Variants in TRAF7 observed in about 807,000 individuals in gnomAD.
TRAF7 encodes the protein E3 ubiquitin-protein ligase TRAF7.
A neutral mutation model predicts 89.3 loss-of-function variants in TRAF7; 45 were observed. The observed-to-expected ratio is 0.50, with a 90% CI of 0.40 to 0.65. The LOEUF (loss-of-function observed/expected upper bound fraction) is 0.65, where lower values mean the gene tolerates loss of function less well. Ranked by LOEUF, TRAF7 falls within the 30% of genes least tolerant of loss-of-function variation. The pLI is 0.00. For missense variants in TRAF7, 677 were observed against 918.1 expected (o/e 0.74, Z 3.39); for synonymous variants, 406 against 369.2 (o/e 1.10, Z -1.14).
rs2093059777 is a variant in TRAF7, at chr16:2,161,934, G to T, written c.-38-1949G>T. On this transcript the variant is annotated intron_variant, in intron 1 of 20. Coordinates refer to ENST00000326181, the MANE Select transcript of TRAF7 (RefSeq NM_032271.3). The surrounding 1 kb of genome is among the most constrained non-coding windows in gnomAD (Gnocchi z 5.2). ...CTCTGAGCCTGGCTGCAGGTGTGTG[G>T]CACTGCCCACACTCAGGAGCCCCTG... 6.6e-6 allele frequency among the ~76,000 whole-genome samples: 1 copy of T among 152,186 alleles called. No individual in the cohort carries two copies. Among genetic ancestry groups the T allele is most frequent in the African/African-American group, 2.4e-5 (1 of 41,460 alleles).
rs977207777 is a variant in TRAF7, at chr16:2,158,385, G to A, written c.-39+2527G>A. ...GGGAAAGCGGGCACTGGAGGCTGGG[G>A]CTGGTCACGTGTAGACCCGGACACC... On this transcript the variant is annotated intron_variant, in intron 1 of 20. Coordinates refer to ENST00000326181, the MANE Select transcript of TRAF7 (RefSeq NM_032271.3). The surrounding 1 kb of genome is among the most constrained non-coding windows in gnomAD (Gnocchi z 4.7). Among the ~76,000 whole-genome samples, 2 of 152,364 alleles carry A rather than the reference G, an allele frequency of 1.3e-5. No homozygotes were observed. Among genetic ancestry groups the A allele is most frequent in the Non-Finnish European group, 2.9e-5 (2 of 68,038 alleles).
chr16:2,172,549 G>C lies in TRAF7; in HGVS notation c.744G>C (p.Glu248Asp). ...CCCCGCTGCTCAGGATGAACCTGGA[G>C]GCCCACCTCAAGGAGTGCGAGCACA... is the stretch of plus-strand genomic sequence containing the variant. ...SCPPLLRMNLEAHLKECEHIK... is the reference protein window; with the variant it reads ...SCPPLLRMNLDAHLKECEHIK... The change falls in exon 9 of 21, where the codon GAG becomes GAC. Residue 248 changes from glutamate to aspartate, a missense_variant. Physicochemically the swap from Glu to Asp is conservative, Grantham distance 45. Transcript: ENST00000326181. 6.3e-7 allele frequency: 1 copy of C among 1,578,698 alleles called. No individual in the cohort carries two copies. Among genetic ancestry groups the C allele is most frequent in the Non-Finnish European group, 8.6e-7 (1 of 1,162,908 alleles).
intron 5 of TRAF7, 69 bp from the exon 6 acceptor site, chr16:2,171,195 G>C: frequency 1.5e-6 from 2 of 1,326,064 alleles, no homozygotes; most frequent in South Asian, 2.5e-5. Context: ...AAGAGCGCCT[G>C]GGTGCCTGGG....
chr16:2,160,005 G>A (rs1447852535), intron 1 of TRAF7, among the ~76,000 whole-genome samples: 1 of 152,224 alleles, frequency 6.6e-6, no homozygotes, highest in Non-Finnish European at 1.5e-5. Flanking sequence ...TGCCCCAGCA[G>A]AGCCCTCTAA....
At position 2,158,839 on chromosome 16, in the gene TRAF7, C is replaced by T. The variant is rs191543024; in HGVS notation, c.-39+2981C>T. 1.3e-5 allele frequency among the ~76,000 whole-genome samples: 2 copies of T among 151,318 alleles called. No individual in the cohort carries two copies. Among genetic ancestry groups the T allele is most frequent in the African/African-American group, 4.8e-5 (2 of 41,262 alleles). On this transcript the variant is annotated intron_variant, in intron 1 of 20. Coordinates refer to ENST00000326181, the MANE Select transcript of TRAF7 (RefSeq NM_032271.3). This position sits in a 1 kb window ranked among gnomAD's most constrained non-coding sequence, Gnocchi z 4.7. Reference sequence around the variant, plus strand: ...ACGACCTGTTTCTGAGAGTCTGAGGCCCACTTGACTTGGGTGAGAGCCAGG... The same window carrying T: ...ACGACCTGTTTCTGAGAGTCTGAGGTCCACTTGACTTGGGTGAGAGCCAGG...
In TRAF7 at chr16:2,164,096, G is replaced by A. The variant is rs546559063; in HGVS notation, c.81+95G>A. 176 of 1,207,574 alleles carry A rather than the reference G, an allele frequency of 1.5e-4. 1 individual carries two copies. The East Asian group carries it at 3.1e-3, about 21-fold the overall frequency. 74.8% of individuals were successfully genotyped at this position (1,207,574 alleles called of 1,614,324 possible). A position where few individuals can be genotyped will look rare whatever the true frequency, so the allele number is the denominator to read the frequency against. ...CCTGCAGAGCTCCCAGCGCAGTCCC[G>A]TCCCGAGCTGGGGTCTCAGGGGAGC... is the stretch of plus-strand genomic sequence containing the variant. On this transcript the variant is annotated intron_variant, in intron 2 of 20. Transcript: ENST00000326181.
At position 2,159,608 on chromosome 16, in the gene TRAF7, G is replaced by C. The variant is rs2093049376; in HGVS notation, c.-39+3750G>C. On this transcript the variant is annotated intron_variant, in intron 1 of 20. Transcript: ENST00000326181. The surrounding 1 kb of genome is among the most constrained non-coding windows in gnomAD (Gnocchi z 6.5). ...TGTGGGTGCCCTGGGCAGGCTCTGT[G>C]ATGCCAGGGGCCACGCTCGGAGCTC... Among the ~76,000 whole-genome samples the C allele has an allele frequency of 6.6e-6, 1 of 152,164 alleles. No homozygotes were observed. The highest frequency in any genetic ancestry group is 2.4e-5 in the African/African-American group (1 of 41,424).
At chr16:2,172,715 G>A in intron 9 of TRAF7, 116 bp downstream of exon 9, 2 of 1,284,498 alleles carry the variant, frequency 1.6e-6, no homozygotes, top group Non-Finnish European at 2.1e-6. Context: ...GGCCACACCG[G>A]GGTCTGTAAT....
Position 2,177,354 on chromosome 16 carries a change from G to A in TRAF7, c.*780G>A, listed in dbSNP as rs1463845394. On this transcript the variant is annotated 3_prime_UTR_variant, in exon 21 of 21. Coordinates refer to ENST00000326181, the MANE Select transcript of TRAF7 (RefSeq NM_032271.3). ...ACAGCAGGAAGGGGCCCTGCACGCC[G>A]GGACGCCACCTCCGCCAGCCGCCTC... is the stretch of plus-strand genomic sequence containing the variant. 2.1e-5 allele frequency: 5 copies of A among 233,856 alleles called. No homozygotes were observed. The highest frequency in any genetic ancestry group is 3.4e-5 in the Non-Finnish European group (4 of 118,456). The allele number at this position is 233,856 out of a possible 1,614,324, so 14.5% of individuals were successfully genotyped here.
Position 2,178,069 on chromosome 16 carries a change from T to A in TRAF7, c.*1495T>A, listed in dbSNP as rs1469349476. 1.4e-5 allele frequency: 7 copies of A among 486,666 alleles called. No individual in the cohort carries two copies. The highest frequency in any genetic ancestry group is 2.7e-5 in the Non-Finnish European group (7 of 254,660). The allele number at this position is 486,666 out of a possible 1,614,324, so 30.1% of individuals were successfully genotyped here. A position where few individuals can be genotyped will look rare whatever the true frequency, so the allele number is the denominator to read the frequency against. On this transcript the variant is annotated 3_prime_UTR_variant, in exon 21 of 21. Coordinates refer to ENST00000326181, the MANE Select transcript of TRAF7 (RefSeq NM_032271.3). ...TATATTTGTTAAAGTTATACCTTTTTGTTTCTCTGGGGAAATCCGCCTCAG... is the reference window on the plus strand; with the variant it reads ...TATATTTGTTAAAGTTATACCTTTTAGTTTCTCTGGGGAAATCCGCCTCAG...
At chr16:2,172,623 GGGCCGGGGT>G in intron 9 of TRAF7, 24 bp downstream of exon 9, 75 of 1,306,562 alleles carry the variant, frequency 5.7e-5, no homozygotes, top group Middle Eastern at 2.6e-4. Context: ...GGGCGGGGGT[GGGCCGGGGT>G]GGGCGCAGGC....
In TRAF7 at chr16:2,162,748, G is replaced by A. The variant is rs1213187748; in HGVS notation, c.-38-1135G>A. Among the ~76,000 whole-genome samples the A allele has an allele frequency of 1.3e-5, 2 of 152,068 alleles. No homozygotes were observed. The highest frequency in any genetic ancestry group is 6.5e-5 in the Admixed American group (1 of 15,284). Reference sequence around the variant, plus strand: ...GGGTGCTGCGCATGGGCCTCGAGGTGGACAGTGCAGGTGGGCCCGGGGCAG... The same window carrying A: ...GGGTGCTGCGCATGGGCCTCGAGGTAGACAGTGCAGGTGGGCCCGGGGCAG... On this transcript the variant is annotated intron_variant, in intron 1 of 20. Coordinates refer to ENST00000326181, the MANE Select transcript of TRAF7 (RefSeq NM_032271.3). This position sits in a 1 kb window ranked among gnomAD's most constrained non-coding sequence, Gnocchi z 5.0.
chr16:2,171,755 G>A (rs886745442), intron 7 of TRAF7, 150 bp downstream of exon 7: 17 of 1,232,876 alleles, frequency 1.4e-5, no homozygotes, highest in Admixed American at 4.3e-5. Flanking sequence ...TCCTAGGGAC[G>A]CTCAGGCTGA....
chr16:2,158,941 C>T lies in TRAF7; in HGVS notation c.-39+3083C>T, dbSNP rs1438862786. 6.6e-6 allele frequency among the ~76,000 whole-genome samples: 1 copy of T among 152,166 alleles called. No homozygotes were observed. On this transcript the variant is annotated intron_variant, in intron 1 of 20. Coordinates refer to ENST00000326181, the MANE Select transcript of TRAF7 (RefSeq NM_032271.3). This position sits in a 1 kb window ranked among gnomAD's most constrained non-coding sequence, Gnocchi z 4.7. ...AGGATACTCTCCCCACTCTGGATCC[C>T]AGCAGCCTCATCCTCCAGGAAGCCC...
At chr16:2,171,983 C>G (rs1217820095) in intron 7 of TRAF7, among the ~76,000 whole-genome samples, 1 of 152,218 alleles carries the variant, frequency 6.6e-6, no homozygotes, top group Non-Finnish European at 1.5e-5. Context: ...CCACCCCACA[C>G]TTTTCCGGGC....
rs779474680 is a variant in TRAF7, at chr16:2,176,673, G to A, written c.*99G>A. 410 of 1,561,538 alleles carry A rather than the reference G, an allele frequency of 2.6e-4. 1 individual carries two copies. Among genetic ancestry groups the A allele is most frequent in the South Asian group, 5.3e-4 (47 of 89,124 alleles). ...TGGTCTCGGGGTTTCTGCCTGCCCC[G>A]TGGGCATAGGTGGACAGGCTCTGGC... On this transcript the variant is annotated 3_prime_UTR_variant, in exon 21 of 21. Coordinates refer to ENST00000326181, the MANE Select transcript of TRAF7 (RefSeq NM_032271.3).
intron 1 of TRAF7, among the ~76,000 whole-genome samples, chr16:2,160,845 C>T (rs963069870): frequency 2.6e-5 from 4 of 151,984 alleles, no homozygotes; most frequent in Non-Finnish European, 5.9e-5. Flanking sequence ...GAGGCACTCT[C>T]CCTCTGGGGG....
rs752672050 is a variant in TRAF7, at chr16:2,165,970, G to A, written c.139+34G>A. On this transcript the variant is annotated intron_variant, in intron 3 of 20. Coordinates refer to ENST00000326181, the MANE Select transcript of TRAF7 (RefSeq NM_032271.3). ...TTAAGCCAAGGCCAGCCCAGGCTGG[G>A]AATAACCGGGGCACCCCCATGCCCA... 3 of 1,613,344 alleles carry A rather than the reference G, an allele frequency of 1.9e-6. No homozygotes were observed. In the South Asian group the frequency reaches 3.3e-5, roughly 18 times the overall value.
intron 1 of TRAF7, among the ~76,000 whole-genome samples, chr16:2,160,804 C>A (rs1596667379): frequency 1.3e-5 from 2 of 152,194 alleles, no homozygotes; most frequent in African/African-American, 4.8e-5. Context: ...CCCGGCCACC[C>A]CCCAGCCTCG....
Sources: gnomAD v4.1 joint callset for allele counts (sites outside exome capture counted in the v4.1 genomes callset) on GRCh38, gnomAD v4.1.1 for gene constraint, Gnocchi (gnomAD v3.1) non-coding constraint, MANE v1.5 for transcripts, NCBI Gene and HGNC (gene_info 2026-07-23, HGNC 2026-07-21) for gene names.